The following AARS1 variants were observed in gnomAD, a reference collection of about 807,000 sequenced individuals.
AARS1 encodes the protein alanyl-tRNA synthetase 1, also known as alanine--tRNA ligase, cytoplasmic.
AARS1 carries 72 observed loss-of-function variants against 108.9 expected under a neutral mutation model. The observed-to-expected ratio is 0.66, with a 90% confidence interval of 0.55 to 0.80. The LOEUF is 0.80. AARS1 is among the 30% of genes least tolerant of loss of function. The pLI is 0.00. For missense variants in AARS1, 1,193 were observed against 1,233.2 expected, an observed-to-expected ratio of 0.97 and a Z score of 0.49; for synonymous variants, 489 against 465.7, an observed-to-expected ratio of 1.05 and a Z score of -0.64.
intron 10 of AARS1, 189 bp from the exon 11 acceptor site, chr16:70,265,291 GGGC>G (rs1960235805): frequency 1.1e-6 from 1 of 923,950 alleles, no homozygotes; most frequent in Non-Finnish European, 1.7e-6. Context: ...GGATGCTGAG[GGGC>G]ACCCTGGCCT....
At chr16:70,283,439 G>T (rs1295063113) in intron 1 of AARS1, among the ~76,000 whole-genome samples, 1 of 151,934 alleles carries the variant, frequency 6.6e-6, no homozygotes, top group African/African-American at 2.4e-5. Context: ...AAAAAAGGGG[G>T]AGAAAAACCC....
In AARS1 at chr16:70,252,829, GCCA is replaced by G. The variant is rs1441574985; in HGVS notation, c.2796_2798del (p.Gly933del). On this transcript the variant is annotated inframe_deletion, in exon 21 of 21. Transcript: ENST00000261772. ...CTGTGGCCTGTGCAGACACATCCTT[GCCA>G]CCACCTTTACCGTCCATCAAGCCTG... 1 of 1,614,048 alleles carries G rather than the reference GCCA, an allele frequency of 6.2e-7. No individual in the cohort carries two copies. Among genetic ancestry groups the G allele is most frequent in the African/African-American group, 1.3e-5 (1 of 74,930 alleles).
intron 16 of AARS1, among the ~76,000 whole-genome samples, chr16:70,255,483 C>T (rs1340256996): frequency 1.3e-5 from 2 of 152,156 alleles, no homozygotes; most frequent in African/African-American, 2.4e-5. Flanking sequence ...CAGGCGTGAG[C>T]CACTGCGTCC....
chr16:70,262,967 CAAAAAAAAAAAAAAA>C lies in AARS1; in HGVS notation c.1493-458_1493-444del, dbSNP rs57444625. Among the ~76,000 whole-genome samples the C allele has an allele frequency of 6.4e-3, 132 of 20,604 alleles. 4 individuals are homozygous for C. The highest frequency in any genetic ancestry group is 0.016 in the African/African-American group (109 of 6,976). 13.5% of individuals were successfully genotyped at this position (20,604 alleles called of 152,430 possible). A position where few individuals can be genotyped will look rare whatever the true frequency, so the allele number is the denominator to read the frequency against. On this transcript the variant is annotated intron_variant, in intron 11 of 20. Transcript: ENST00000261772. ...TGGGTGACAAAGCAAGACTCGGTCT[CAAAAAAAAAAAAAAA>C]AAAAAAAAAAAAAAAACAACAACAA...
intron 3 of AARS1, 122 bp downstream of exon 3, chr16:70,276,844 T>C: frequency 7.9e-7 from 1 of 1,258,896 alleles, no homozygotes; most frequent in South Asian, 1.3e-5. Flanking sequence ...TAAATGCCAT[T>C]CATTCCTGAA....
chr16:70,266,929 C>T (rs969815084), intron 9 of AARS1, among the ~76,000 whole-genome samples: 1 of 152,026 alleles, frequency 6.6e-6, no homozygotes, highest in Non-Finnish European at 1.5e-5. Flanking sequence ...CTCCGCCTCC[C>T]CGGTTCAAGC....
chr16:70,287,646 G>T (rs1960883744), intron 1 of AARS1, among the ~76,000 whole-genome samples: 1 of 151,942 alleles, frequency 6.6e-6, no homozygotes, highest in African/African-American at 2.4e-5. Context: ...GGGAGGCTGA[G>T]TCCAAAGGGT....
At chr16:70,280,181 T>C (rs1286841380) in intron 2 of AARS1, among the ~76,000 whole-genome samples, 1 of 152,196 alleles carries the variant, frequency 6.6e-6, no homozygotes, top group Non-Finnish European at 1.5e-5. Flanking sequence ...CCTCCCAAAA[T>C]GCTGGAATTA....
intron 16 of AARS1, 101 bp downstream of exon 16, chr16:70,255,627 G>C (rs946577435): frequency 5.5e-6 from 6 of 1,087,326 alleles, no homozygotes; most frequent in Non-Finnish European, 8.3e-6. Flanking sequence ...CTTTCACTCT[G>C]ACTGCAGCAG....
At chr16:70,264,214 C>T (rs1960211758) in intron 11 of AARS1, among the ~76,000 whole-genome samples, 1 of 151,302 alleles carries the variant, frequency 6.6e-6, no homozygotes, top group African/African-American at 2.4e-5. Context: ...CTATTGCACT[C>T]CAGCCTGGGC....
intron 2 of AARS1, among the ~76,000 whole-genome samples, chr16:70,280,889 A>G (rs1960681515): frequency 6.6e-6 from 1 of 152,094 alleles, no homozygotes; most frequent in Non-Finnish European, 1.5e-5. Context: ...GTGCAGTGGT[A>G]TGATCAGGGA....
At chr16:70,268,448 T>A in intron 7 of AARS1, 69 bp from the exon 8 acceptor site, 1 of 1,346,828 alleles carries the variant, frequency 7.4e-7, no homozygotes, top group Non-Finnish European at 1.1e-6. Flanking sequence ...CTTGGAATCC[T>A]ACCCAAAGCA....
At chr16:70,280,228 CT>C (rs1212525245) in intron 2 of AARS1, among the ~76,000 whole-genome samples, 8 of 152,170 alleles carry the variant, frequency 5.3e-5, no homozygotes, top group African/African-American at 1.9e-4. Flanking sequence ...ATAATTTTCT[CT>C]TTTTTGAGAC....
chr16:70,286,172 T>C (rs1028928331), intron 1 of AARS1, among the ~76,000 whole-genome samples: 2 of 152,198 alleles, frequency 1.3e-5, no homozygotes, highest in Non-Finnish European at 2.9e-5. Flanking sequence ...ATTTATTCAA[T>C]CTAAATTTAT....
intron 11 of AARS1, 37 bp from the exon 12 acceptor site, chr16:70,262,561 G>A (rs760016699): frequency 2.5e-6 from 4 of 1,578,416 alleles, no homozygotes; most frequent in East Asian, 2.3e-5. Context: ...GGACAGTGGG[G>A]TCAATGACCT....
chr16:70,271,684 G>A (rs1567608295), intron 5 of AARS1, 97 bp downstream of exon 5: 6 of 1,259,464 alleles, frequency 4.8e-6, no homozygotes, highest in Non-Finnish European at 6.9e-6. Flanking sequence ...GAGAAATAAA[G>A]AAATGAGCTT....
Position 70,289,295 on chromosome 16 carries a change from C to A in AARS1, c.-22+126G>T, listed in dbSNP as rs538803157. 62 of 346,124 alleles carry A rather than the reference C, an allele frequency of 1.8e-4. 1 individual carries two copies. Among genetic ancestry groups the A allele is most frequent in the South Asian group, 1.1e-3 (53 of 46,322 alleles). The allele number at this position is 346,124 out of a possible 1,614,324, so 21.4% of individuals were successfully genotyped here. On this transcript the variant is annotated intron_variant, in intron 1 of 20. Coordinates refer to ENST00000261772, the MANE Select transcript of AARS1 (RefSeq NM_001605.3). ...ACACTGTCCAGCTCCCGCTCCAGCC[C>A]AGACTGGGCTTCTCCAGGCCACGCG...
chr16:70,259,117 G>A lies in AARS1; in HGVS notation c.1855C>T (p.Leu619Phe), dbSNP rs1188388841. ...GAGCCTTTCTGGTCAGCTTCCCCAAGCACTGAGCGCAGGGCGAAGTTCAGA... is the reference window on the plus strand; with the variant it reads ...GAGCCTTTCTGGTCAGCTTCCCCAAACACTGAGCGCAGGGCGAAGTTCAGA... The part of the protein sequence containing the change: ...HILNFALRSV[L>F]GEADQKGSLV... Residue 619 changes from leucine (L) to phenylalanine (F), a missense_variant, in exon 14 of 21, where the codon CTT (leucine) becomes TTT (phenylalanine). Transcript: ENST00000261772. The A allele has an allele frequency of 3.1e-6, 5 of 1,614,180 alleles. No homozygotes were observed. The highest frequency in any genetic ancestry group is 1.3e-5 in the African/African-American group (1 of 75,060).
At chr16:70,275,092 T>C (rs373815901) in intron 4 of AARS1, among the ~76,000 whole-genome samples, 1 of 151,602 alleles carries the variant, frequency 6.6e-6, no homozygotes, top group East Asian at 2.0e-4. Flanking sequence ...AAATCCCATC[T>C]CTACTAAAAA....
Sources: allele counts gnomAD v4.1 joint callset (sites outside exome capture counted in the v4.1 genomes callset), GRCh38; gene constraint gnomAD v4.1.1; transcripts MANE v1.5; gene names NCBI Gene and HGNC (gene_info 2026-07-23, HGNC 2026-07-21).